Variants in GRIN2A observed in about 807,000 individuals in gnomAD.
GRIN2A encodes the protein glutamate receptor ionotropic, NMDA 2A.
GRIN2A carries 22 observed loss-of-function variants against 113.4 expected under a neutral mutation model. The observed-to-expected ratio is 0.19, with a 90% CI of 0.14 to 0.28. The LOEUF (loss-of-function observed/expected upper bound fraction) is 0.28, where lower values mean the gene tolerates loss of function less well. Ranked by LOEUF, GRIN2A falls within the 10% of genes least tolerant of loss-of-function variation. The pLI is 1.00. For synonymous variants in GRIN2A, 827 were observed against 738.4 expected, an observed-to-expected ratio of 1.12 and a Z score of -1.94; for missense variants, 1,502 against 1,887.0, an observed-to-expected ratio of 0.80 and a Z score of 3.78.
In GRIN2A at chr16:9,764,515, G is replaced by A. The variant is rs2141135232; in HGVS notation, c.3029C>T (p.Pro1010Leu). Residue 1010 changes from proline to leucine, a missense_variant, in exon 13 of 13, where the codon CCC becomes CTC. Around this residue, in one of 7 missense-constraint regions of GRIN2A, gnomAD observed 832 missense variants for 789.7 expected, o/e 1.05. Transcript: ENST00000330684. ...VSTESKANSR[P>L]RQLWKKSVDS... ...CACGGATTTCTTCCACAGCTGCCGGGGTCTAGAGTTCGCTTTGGATTCTGT... is the reference window on the plus strand; with the variant it reads ...CACGGATTTCTTCCACAGCTGCCGGAGTCTAGAGTTCGCTTTGGATTCTGT... 6.2e-7 allele frequency: 1 copy of A among 1,614,022 alleles called. No homozygotes were observed. Among genetic ancestry groups the A allele is most frequent in the Non-Finnish European group, 8.5e-7 (1 of 1,179,970 alleles).
At chr16:9,919,958 C>A (rs1322251781) in intron 3 of GRIN2A, among the ~76,000 whole-genome samples, 2 of 152,222 alleles carry the variant, frequency 1.3e-5, no homozygotes, top group Non-Finnish European at 2.9e-5. Flanking sequence ...TTCACCTTCC[C>A]AACCATTCTG....
rs534535834 is a variant in GRIN2A, at chr16:10,138,639, C to T, written c.414+41359G>A. ...TTTGGGTGGGGACGCAGAGCCAAAC[C>T]ATATCAGAGACACTGTGCACTCTGT... On this transcript the variant is annotated intron_variant, in intron 2 of 12. Coordinates refer to ENST00000330684, the MANE Select transcript of GRIN2A (RefSeq NM_001134407.3). Among the ~76,000 whole-genome samples, 7 of 152,228 alleles carry T rather than the reference C, an allele frequency of 4.6e-5. No individual in the cohort carries two copies. In the East Asian group the frequency reaches 1.4e-3, roughly 29 times the overall value.
chr16:9,931,164 T>C (rs970658825), intron 3 of GRIN2A, among the ~76,000 whole-genome samples: 1 of 152,266 alleles, frequency 6.6e-6, no homozygotes, highest in Middle Eastern at 3.4e-3. Flanking sequence ...AACTTCTCCA[T>C]GTCCTACTTC....
chr16:9,829,661 G>A lies in GRIN2A; in HGVS notation c.1778-9C>T. On this transcript the variant is annotated splice_polypyrimidine_tract_variant and intron_variant, in intron 8 of 12. Coordinates refer to ENST00000330684, the MANE Select transcript of GRIN2A (RefSeq NM_001134407.3). ...AGAAGGCCCATGGGGTGCTGCAGAA[G>A]ATGAAAAGGACATTCTCAGCATTTT... is the stretch of plus-strand genomic sequence containing the variant. 1.3e-6 allele frequency: 2 copies of A among 1,587,144 alleles called. No individual in the cohort carries two copies. The highest frequency in any genetic ancestry group is 1.7e-6 in the Non-Finnish European group (2 of 1,155,582).
chr16:10,034,741 C>A (rs1345852280), intron 2 of GRIN2A, among the ~76,000 whole-genome samples: 2 of 152,024 alleles, frequency 1.3e-5, no homozygotes, highest in Non-Finnish European at 2.9e-5. Flanking sequence ...TTCCCCAAAT[C>A]TAGAGTTCTC....
chr16:9,901,950 T>C (rs2043936356), intron 3 of GRIN2A, among the ~76,000 whole-genome samples: 1 of 152,184 alleles, frequency 6.6e-6, no homozygotes, highest in Admixed American at 6.5e-5. Context: ...TAGCCTCTAA[T>C]ATATGTTGAA....
chr16:9,822,842 T>A (rs919278912), intron 9 of GRIN2A, among the ~76,000 whole-genome samples: 1 of 152,204 alleles, frequency 6.6e-6, no homozygotes, highest in African/African-American at 2.4e-5. Flanking sequence ...CACTTTATGA[T>A]GAAATTTTCT....
At chr16:9,843,486 T>C (rs768795471) in intron 5 of GRIN2A, among the ~76,000 whole-genome samples, 1 of 152,182 alleles carries the variant, frequency 6.6e-6, no homozygotes, top group African/African-American at 2.4e-5. Context: ...TGCGACACCA[T>C]ACTCAAGCTG....
At chr16:9,829,946 T>C (rs2042458723) in intron 8 of GRIN2A, among the ~76,000 whole-genome samples, 1 of 152,234 alleles carries the variant, frequency 6.6e-6, no homozygotes, top group South Asian at 2.1e-4. Flanking sequence ...ATGACCTGTT[T>C]TAAATTTGGA....
chr16:9,920,755 G>A (rs1331131216), intron 3 of GRIN2A, among the ~76,000 whole-genome samples: 2 of 151,952 alleles, frequency 1.3e-5, no homozygotes, highest in Non-Finnish European at 2.9e-5. Context: ...TTTAGTAGAT[G>A]GGGTTTCACC....
intron 2 of GRIN2A, among the ~76,000 whole-genome samples, chr16:10,073,875 G>A (rs1429592824): frequency 7.4e-5 from 11 of 148,490 alleles, no homozygotes; most frequent in East Asian, 4.1e-4. Context: ...AGCTGAGATC[G>A]TGCCACTGCA....
intron 2 of GRIN2A, among the ~76,000 whole-genome samples, chr16:10,156,415 T>A (rs1296777799): frequency 6.6e-6 from 1 of 152,216 alleles, no homozygotes; most frequent in Admixed American, 6.5e-5. Context: ...AAAGAAAGTA[T>A]GTTTGACAGA....
intron 2 of GRIN2A, among the ~76,000 whole-genome samples, chr16:9,948,904 C>G (rs141939995): frequency 2.0e-5 from 3 of 152,198 alleles, no homozygotes; most frequent in Admixed American, 2.0e-4. Flanking sequence ...CACAAATGTA[C>G]GCAAGTGGCT....
intron 2 of GRIN2A, among the ~76,000 whole-genome samples, chr16:9,988,715 T>A (rs571123561): frequency 6.6e-6 from 1 of 152,282 alleles, no homozygotes; most frequent in Admixed American, 6.5e-5. Context: ...ACAGGGAATT[T>A]AAATAACTTC....
At chr16:10,080,387 C>A (rs1375074) in intron 2 of GRIN2A, among the ~76,000 whole-genome samples, 23 of 152,242 alleles carry the variant, frequency 1.5e-4, no homozygotes, top group Admixed American at 1.4e-3. Flanking sequence ...TTGCAGAAAG[C>A]GAAGGTGGAA....
At chr16:9,972,965 G>C (rs2045702477) in intron 2 of GRIN2A, among the ~76,000 whole-genome samples, 1 of 152,198 alleles carries the variant, frequency 6.6e-6, no homozygotes, top group Non-Finnish European at 1.5e-5. Context: ...AGTGATTCAG[G>C]AGTTCTGATT....
intron 2 of GRIN2A, among the ~76,000 whole-genome samples, chr16:9,947,341 G>A (rs2045043027): frequency 6.6e-6 from 1 of 152,158 alleles, no homozygotes; most frequent in South Asian, 2.1e-4. Context: ...ATGACAAGTT[G>A]CCACCAATAA....
intron 2 of GRIN2A, among the ~76,000 whole-genome samples, chr16:10,138,228 G>C (rs949715855): frequency 6.6e-6 from 1 of 152,208 alleles, no homozygotes; most frequent in African/African-American, 2.4e-5. Flanking sequence ...AGAAGTCAGA[G>C]AGGGCTGAGT....
At chr16:9,986,164 C>T (rs1467579567) in intron 2 of GRIN2A, among the ~76,000 whole-genome samples, 9 of 151,638 alleles carry the variant, frequency 5.9e-5, no homozygotes, top group Non-Finnish European at 8.8e-5. Flanking sequence ...GGCTGGGTAC[C>T]GAGATAAGAA....
Sources: allele counts gnomAD v4.1 joint callset (sites outside exome capture counted in the v4.1 genomes callset), GRCh38; gene constraint gnomAD v4.1.1; regional missense constraint gnomAD v4.1.1; transcripts MANE v1.5; gene names NCBI Gene and HGNC (gene_info 2026-07-23, HGNC 2026-07-21).